Variants in GRHL2 observed in about 807,000 individuals in gnomAD.
The protein encoded by GRHL2 is grainyhead-like protein 2 homolog.
A neutral mutation model predicts 83.8 loss-of-function variants in GRHL2; 21 were observed. That is an observed-to-expected ratio of 0.25 (90% CI 0.18 to 0.36). The LOEUF is 0.36. Among genes scored for constraint, GRHL2 ranks in the 10% least tolerant of loss-of-function variants. GRHL2 has a pLI of 1.00. For synonymous variants in GRHL2, 280 were observed against 278.9 expected (o/e 1.00, Z -0.04); for missense variants, 623 against 781.8 (o/e 0.80, Z 2.42).
At chr8:101,672,256 G>C (rs536725708), downstream of GRHL2, among the ~76,000 whole-genome samples, 1 of 151,646 alleles carries the variant, frequency 6.6e-6, no homozygotes, top group African/African-American at 2.4e-5. Flanking sequence ...AAACTACTCC[G>C]AGCTACAGGA....
chr8:101,641,039 T>C (rs1169942821), intron 12 of GRHL2, among the ~76,000 whole-genome samples: 1 of 152,182 alleles, frequency 6.6e-6, no homozygotes, highest in Non-Finnish European at 1.5e-5. Context: ...AAATGATTCC[T>C]CTGGGGCCTA....
At chr8:101,654,508 C>A (rs1813742969) in intron 14 of GRHL2, among the ~76,000 whole-genome samples, 1 of 152,170 alleles carries the variant, frequency 6.6e-6, no homozygotes, top group Non-Finnish European at 1.5e-5. Context: ...AACTCCCTAT[C>A]CTCAGCCAGG....
At chr8:101,638,571 C>T (rs1309108013) in intron 12 of GRHL2, among the ~76,000 whole-genome samples, 1 of 152,160 alleles carries the variant, frequency 6.6e-6, no homozygotes, top group Non-Finnish European at 1.5e-5. Context: ...TATTTACTGC[C>T]TGCCCCTTTA....
intron 1 of GRHL2, among the ~76,000 whole-genome samples, chr8:101,507,065 T>C (rs1462825773): frequency 6.6e-6 from 1 of 152,208 alleles, no homozygotes; most frequent in African/African-American, 2.4e-5. Flanking sequence ...CCAACATTTG[T>C]ACAGTTGCAC....
intron 14 of GRHL2, among the ~76,000 whole-genome samples, chr8:101,656,873 G>GAGACACACACACACACACAC (rs1554597396): frequency 6.8e-6 from 1 of 147,270 alleles, no homozygotes; most frequent in Non-Finnish European, 1.5e-5. Context: ...GTGTCTAACA[G>GAGACACACACACACACACAC]ACACACACAC....
At chr8:101,664,640 C>T in intron 15 of GRHL2, 122 bp downstream of exon 15, 1 of 737,424 alleles carries the variant, frequency 1.4e-6, no homozygotes, top group Non-Finnish European at 2.4e-6. Context: ...AAATTGTGTC[C>T]TTCTTCCAGA....
At chr8:101,578,624 T>A (rs1030679452) in intron 7 of GRHL2, among the ~76,000 whole-genome samples, 1 of 152,258 alleles carries the variant, frequency 6.6e-6, no homozygotes, top group Non-Finnish European at 1.5e-5. Flanking sequence ...TCATTTCTCA[T>A]TTGTAGACTT....
intron 11 of GRHL2, among the ~76,000 whole-genome samples, chr8:101,635,452 C>G (rs982782378): frequency 6.6e-6 from 1 of 152,168 alleles, no homozygotes; most frequent in Non-Finnish European, 1.5e-5. Flanking sequence ...CTGCTTCCAT[C>G]TTTTAGTCAC....
intron 14 of GRHL2, among the ~76,000 whole-genome samples, chr8:101,650,241 G>A (rs1379814532): frequency 6.6e-6 from 1 of 152,182 alleles, no homozygotes; most frequent in Non-Finnish European, 1.5e-5. Context: ...GGGTTATGAA[G>A]CTAAATGTTA....
intron 11 of GRHL2, among the ~76,000 whole-genome samples, chr8:101,632,671 G>A (rs1813209900): frequency 6.6e-6 from 1 of 152,220 alleles, no homozygotes; most frequent in African/African-American, 2.4e-5. Context: ...TCATGGCCAG[G>A]ATTATCCTGA....
Position 101,522,765 on chromosome 8 carries a change from A to G in GRHL2, c.21-20476A>G, listed in dbSNP as rs567503307. Among the ~76,000 whole-genome samples the G allele has an allele frequency of 2.7e-3, 403 of 150,458 alleles. 2 individuals are homozygous for G. Among genetic ancestry groups the G allele is most frequent in the Non-Finnish European group, 4.6e-3 (313 of 67,668 alleles). On this transcript the variant is annotated intron_variant, in intron 1 of 15. Transcript: ENST00000646743. ...TATATATATATACACACACATATAC[A>G]TATATATATATAAACATCTATATCT...
chr8:101,655,176 C>A (rs1395032562), intron 14 of GRHL2, among the ~76,000 whole-genome samples: 6 of 113,340 alleles, frequency 5.3e-5, no homozygotes, highest in African/African-American at 3.2e-4. Flanking sequence ...GAGCGAAACT[C>A]CAATCCTAAA....
rs564442656 is a variant in GRHL2 at position 101,534,117 on chromosome 8, T to C, written c.21-9124T>C. 1.8e-4 allele frequency among the ~76,000 whole-genome samples: 28 copies of C among 152,314 alleles called. No homozygotes were observed. The South Asian group carries it at 5.6e-3, about 30-fold the overall frequency. On this transcript the variant is annotated intron_variant, in intron 1 of 15. Transcript: ENST00000646743. ...AAACCTATTAGGAAACTGTATTCAT[T>C]TTCTATTCCTGTGTAACATACTATC...
At chr8:101,613,858 T>C (rs1812803080) in intron 8 of GRHL2, among the ~76,000 whole-genome samples, 1 of 151,124 alleles carries the variant, frequency 6.6e-6, no homozygotes, top group African/African-American at 2.5e-5. Context: ...AATTTTTTTT[T>C]CAGTCTCGAT....
the GRHL2 span, among the ~76,000 whole-genome samples, chr8:101,677,722 T>C: frequency 6.6e-6 from 1 of 152,032 alleles, no homozygotes; most frequent in Non-Finnish European, 1.5e-5. Flanking sequence ...AAAAAAGTCA[T>C]GAAATAAGGC....
intron 2 of GRHL2, among the ~76,000 whole-genome samples, chr8:101,548,278 C>T (rs1447641526): frequency 1.3e-5 from 2 of 152,186 alleles, no homozygotes; most frequent in Admixed American, 6.5e-5. Flanking sequence ...TTCGGTTGAC[C>T]ACCTCAGAGA....
At chr8:101,659,367 A>G (rs1813868566) in intron 14 of GRHL2, among the ~76,000 whole-genome samples, 2 of 152,156 alleles carry the variant, frequency 1.3e-5, no homozygotes, top group Admixed American at 6.5e-5. Flanking sequence ...TCCCCATCCA[A>G]GTTCATATAT....
intron 1 of GRHL2, among the ~76,000 whole-genome samples, chr8:101,523,473 GAA>G (rs1810734022): frequency 1.6e-5 from 1 of 63,166 alleles, no homozygotes; most frequent in Admixed American, 2.5e-4. Flanking sequence ...TATATCCACT[GAA>G]AGTTTTTTTT....
chr8:101,570,250 G>A, intron 4 of GRHL2, 89 bp from the exon 5 acceptor site: 1 of 1,045,530 alleles, frequency 9.6e-7, no homozygotes, highest in Non-Finnish European at 1.5e-6. Context: ...TCTAATGAGA[G>A]AATAAAATAG....
Sources: gnomAD v4.1 joint callset for allele counts (sites outside exome capture counted in the v4.1 genomes callset) on GRCh38, gnomAD v4.1.1 for gene constraint, MANE v1.5 for transcripts, NCBI Gene and HGNC (gene_info 2026-07-23, HGNC 2026-07-21) for gene names.